The following HR variants were observed in gnomAD, a reference collection of about 807,000 sequenced individuals.
The protein encoded by HR is lysine-specific demethylase hairless.
Under a neutral mutation model 128.6 loss-of-function variants are expected in HR, and 83 were observed. The ratio of observed to expected loss-of-function variants is 0.65; its 90% CI spans 0.54 to 0.77. The LOEUF (loss-of-function observed/expected upper bound fraction) is 0.77. Ranked by LOEUF, HR falls within the 30% of genes least tolerant of loss-of-function variation. The pLI is 0.00. For missense variants in HR, 1,490 were observed against 1,574.6 expected, an observed-to-expected ratio of 0.95 and a Z score of 0.91; for synonymous variants, 681 against 658.2, an observed-to-expected ratio of 1.03 and a Z score of -0.53.
chr8:22,124,823 C>T (rs1194750772), intron 5 of HR, among the ~76,000 whole-genome samples: 2 of 152,172 alleles, frequency 1.3e-5, no homozygotes, highest in South Asian at 4.1e-4. Flanking sequence ...GGAACCCAGG[C>T]TGGGAGTGGC....
intron 3 of HR, 49 bp downstream of exon 3, chr8:22,126,988 C>CCCCG: frequency 6.4e-7 from 1 of 1,552,170 alleles, no homozygotes; most frequent in East Asian, 2.2e-5. Flanking sequence ...GCCCCAGCCC[C>CCCCG]GGCTGCCCCC....
chr8:22,115,962 G>A (rs990127176), intron 18 of HR, among the ~76,000 whole-genome samples, 200 bp from the exon 19 acceptor site: 3 of 151,908 alleles, frequency 2.0e-5, no homozygotes, highest in African/African-American at 7.3e-5. Flanking sequence ...GAAACCCCAC[G>A]TCTACTAAAA....
chr8:22,121,192 C>A lies in HR; in HGVS notation c.2240G>T (p.Arg747Leu). The A allele has an allele frequency of 6.2e-7, 1 of 1,613,926 alleles. No individual in the cohort carries two copies. The highest frequency in any genetic ancestry group is 2.2e-5 in the East Asian group (1 of 44,884). The stretch of plus-strand genomic sequence containing the variant: ...ACAAGGCAGGGGCCCTCGGCCAGCA[C>A]GGTCCTCTGCTGGGGTCTCAGCGGA... ...PDSAETPAED[R>L]AGRGPLPCPS... The change falls in exon 10 of 19, where the codon CGT (arginine) becomes CTT (leucine). Residue 747 changes from arginine to leucine, a missense_variant. Transcript: ENST00000381418.
chr8:22,118,964 G>C lies in HR; in HGVS notation c.3199C>G (p.Arg1067Gly). The C allele has an allele frequency of 6.2e-7, 1 of 1,611,626 alleles. No homozygotes were observed. Among genetic ancestry groups the C allele is most frequent in the Non-Finnish European group, 8.5e-7 (1 of 1,179,948 alleles). ...FRAQDAQRIR[R>G]FLQMVCPAGA... The stretch of plus-strand genomic sequence containing the variant: ...TGCCTCCTCACCATCTGGAGAAAGC[G>C]GCGGATGCGCTGGGCGTCCTGTGCC... Residue 1067 changes from arginine to glycine, a missense_variant, in exon 16 of 19, where the codon CGC becomes GGC. By Grantham distance (125) the Arg-to-Gly change is moderately radical. Around this residue, in one of 3 missense-constraint regions of HR, gnomAD observed 423 missense variants for 495.9 expected, o/e 0.85. Coordinates refer to ENST00000381418, the MANE Select transcript of HR (RefSeq NM_005144.5).
At chr8:22,119,137 C>G in intron 15 of HR, 27 bp downstream of exon 15, 1 of 1,613,712 alleles carries the variant, frequency 6.2e-7, no homozygotes, top group Non-Finnish European at 8.5e-7. Context: ...AGCTTGTCCC[C>G]GCTCCTGCCT....
intron 14 of HR, 92 bp downstream of exon 14, chr8:22,119,668 C>G: frequency 6.9e-7 from 1 of 1,459,016 alleles, no homozygotes; most frequent in Non-Finnish European, 9.2e-7. Context: ...CGCTTCAGGC[C>G]CCAGGGCCTT....
Position 22,116,758 on chromosome 8 carries a change from G to A in HR, c.3378+117C>T, listed in dbSNP as rs568479679. 1.5e-4 allele frequency: 207 copies of A among 1,378,664 alleles called. No homozygotes were observed. In the East Asian group the frequency reaches 4.7e-3, roughly 31 times the overall value. The allele number at this position is 1,378,664 out of a possible 1,614,324, so 85.4% of individuals were successfully genotyped here. A position where few individuals can be genotyped will look rare whatever the true frequency, so the allele number is the denominator to read the frequency against. On this transcript the variant is annotated intron_variant, in intron 17 of 18. Coordinates refer to ENST00000381418, the MANE Select transcript of HR (RefSeq NM_005144.5). The surrounding 1 kb of genome is among the most constrained non-coding windows in gnomAD (Gnocchi z 4.2). ...TTATCTCTTCCCCACAGCAGCGTGC[G>A]GCTCCCTGCCCTGCCCGGCTCTTGG...
chr8:22,117,236 G>C lies in HR; in HGVS notation c.3214-197C>G, dbSNP rs543619850. The C allele has an allele frequency of 1.6e-5, 9 of 571,162 alleles. No individual in the cohort carries two copies. In the East Asian group the frequency reaches 2.7e-4, roughly 17 times the overall value. 35.4% of individuals were successfully genotyped at this position (571,162 alleles called of 1,614,324 possible). A position where few individuals can be genotyped will look rare whatever the true frequency, so the allele number is the denominator to read the frequency against. On this transcript the variant is annotated intron_variant, in intron 16 of 18. Transcript: ENST00000381418. ...GGTTGGCAGAACACACATTTGGCTG[G>C]AAGGAGCTTAGAAGGAAGGGATTCA... is the stretch of plus-strand genomic sequence containing the variant.
chr8:22,118,855 G>C, intron 16 of HR, 95 bp downstream of exon 16: 2 of 1,070,912 alleles, frequency 1.9e-6, no homozygotes, highest in South Asian at 1.3e-5. Context: ...GCGTGGGGCA[G>C]GGAGCGAGCA....
intron 7 of HR, 81 bp downstream of exon 7, chr8:22,122,708 TG>T: frequency 1.3e-6 from 2 of 1,488,896 alleles, no homozygotes; most frequent in African/African-American, 1.4e-5. Context: ...GGCATGGCAC[TG>T]GGGGGAGGGA....
intron 18 of HR, 104 bp from the exon 19 acceptor site, chr8:22,115,866 C>G: frequency 8.7e-7 from 1 of 1,143,078 alleles, no homozygotes. Flanking sequence ...TGCGGTGGCT[C>G]ACACCTGTAA....
In HR at chr8:22,127,538, G is replaced by T; in HGVS notation, c.904C>A (p.Leu302Ile). Reference sequence around the variant, plus strand: ...GCTGGTGGCCCCAGCTGGTACCCAAGGTTCCCATCGCCTGGCCCAGCCCAG... The same window carrying T: ...GCTGGTGGCCCCAGCTGGTACCCAATGTTCCCATCGCCTGGCCCAGCCCAG... ...NVWAGPGDGN[L>I]GYQLGPPATP... Residue 302 changes from leucine (L) to isoleucine (I), a missense_variant, in exon 3 of 19, where the codon CTT (leucine) becomes ATT (isoleucine). This residue lies in a region of HR where 1,060 missense variants were observed against 1,060.9 expected (regional missense o/e 1.00). Transcript: ENST00000381418. 1.2e-6 allele frequency: 2 copies of T among 1,613,132 alleles called. No homozygotes were observed. The highest frequency in any genetic ancestry group is 1.7e-6 in the Non-Finnish European group (2 of 1,179,978).
intron 3 of HR, among the ~76,000 whole-genome samples, chr8:22,126,291 G>C (rs2131764568): frequency 6.6e-6 from 1 of 152,308 alleles, no homozygotes; most frequent in East Asian, 1.9e-4. Context: ...CACGGAGAGA[G>C]CTGATCCACA....
chr8:22,127,700 G>A lies in HR; in HGVS notation c.742C>T (p.Leu248=), dbSNP rs1483621827. The change falls in exon 3 of 19, where the codon CTG becomes TTG. Residue 248 remains leucine (L), a synonymous_variant. Transcript: ENST00000381418. ...CCCATCTCTCCATCCCTCTGGTGCA[G>A]TGAAGGGCGTTCGGCCTCCCCGGCT... ...QRAGEAERPS[L]HQRDGEMGAG... is the part of the protein sequence containing the mutation. 2 of 1,609,074 alleles carry A rather than the reference G, an allele frequency of 1.2e-6. No individual in the cohort carries two copies. The highest frequency in any genetic ancestry group is 2.2e-5 in the South Asian group (2 of 91,084).
intron 9 of HR, 72 bp downstream of exon 9, chr8:22,121,541 T>C: frequency 6.6e-7 from 1 of 1,508,404 alleles, no homozygotes; most frequent in South Asian, 1.1e-5. Context: ...CTTCCGCGAC[T>C]GTCCCCTCCT....
chr8:22,117,151 A>T (rs1383087149), intron 16 of HR, 112 bp from the exon 17 acceptor site: 3 of 1,122,014 alleles, frequency 2.7e-6, no homozygotes, highest in Non-Finnish European at 3.7e-6. Flanking sequence ...CCGAAGGGTC[A>T]AGTCTTGAAG....
intron 1 of HR, among the ~76,000 whole-genome samples, chr8:22,129,779 C>G (rs6990781): frequency 0.65 from 98,561 of 152,082 alleles, 32,583 homozygotes; most frequent in African/African-American, 0.77. Flanking sequence ...CGCTGGGGAA[C>G]GCTGCCAGCC....
intron 8 of HR, 25 bp from the exon 9 acceptor site, chr8:22,121,719 C>G (rs369032479): frequency 2.7e-5 from 43 of 1,604,752 alleles, no homozygotes; most frequent in Admixed American, 3.3e-5. Context: ...CACCACCCCC[C>G]CAATCCAACC....
At position 22,115,780 on chromosome 8, in the gene HR, G is replaced by A. The variant is rs748552599; in HGVS notation, c.3508-18C>T. The A allele has an allele frequency of 2.1e-5, 34 of 1,613,156 alleles. No individual in the cohort carries two copies. The highest frequency in any genetic ancestry group is 2.8e-5 in the Non-Finnish European group (33 of 1,179,402). On this transcript the variant is annotated intron_variant, in intron 18 of 18. Coordinates refer to ENST00000381418, the MANE Select transcript of HR (RefSeq NM_005144.5). ...CAGTCCATCTAGGAAAAAGAGAGAGGACAAAGCATTTTCAACTACATTCCT... is the reference window on the plus strand; with the variant it reads ...CAGTCCATCTAGGAAAAAGAGAGAGAACAAAGCATTTTCAACTACATTCCT...
Sources: gnomAD v4.1 joint callset for allele counts (sites outside exome capture counted in the v4.1 genomes callset) on GRCh38, gnomAD v4.1.1 for gene constraint, gnomAD v4.1.1 regional missense constraint, Gnocchi (gnomAD v3.1) non-coding constraint, MANE v1.5 for transcripts, NCBI Gene and HGNC (gene_info 2026-07-23, HGNC 2026-07-21) for gene names.